The following AP1G2 variants were observed in gnomAD, a reference collection of about 807,000 sequenced individuals.
AP1G2 encodes the protein adaptor related protein complex 1 subunit gamma 2, also known as AP-1 complex subunit gamma-like 2.
In AP1G2, 85 loss-of-function variants were observed where a neutral mutation model predicts 95.8. That is an observed-to-expected ratio of 0.89 (90% confidence interval 0.74 to 1.06). The LOEUF (loss-of-function observed/expected upper bound fraction) is 1.06, where lower values mean the gene tolerates loss of function less well. Ranked by LOEUF, AP1G2 falls within the 50% of genes least tolerant of loss-of-function variation. The probability of loss-of-function intolerance (pLI) is 0.00; values close to 1 mark genes in which losing one functional copy is unlikely to be tolerated. For synonymous variants in AP1G2, 378 were observed against 400.0 expected (o/e 0.94, Z 0.66); for missense variants, 967 against 1,005.8 (o/e 0.96, Z 0.52).
rs1566648614 is a variant in AP1G2, at chr14:23,564,584, A to T, written c.899T>A (p.Ile300Asn). Reference sequence around the variant, plus strand: ...TACCCGTAGGCCAGCTGCAGAGCGGATATCCATGATGGTGAGTACTGTCTC... The same window carrying T: ...TACCCGTAGGCCAGCTGCAGAGCGGTTATCCATGATGGTGAGTACTGTCTC... Reference protein sequence around the residue: ...LFETVLTIMDIRSAAGLRVLA... With the variant: ...LFETVLTIMDNRSAAGLRVLA... The change falls in exon 9 of 22, where the codon ATC becomes AAC. Residue 300 changes from isoleucine (I) to asparagine (N), a missense_variant. Coordinates refer to ENST00000397120, the MANE Select transcript of AP1G2 (RefSeq NM_003917.5). 6.2e-7 allele frequency: 1 copy of T among 1,613,468 alleles called. No homozygotes were observed. Among genetic ancestry groups the T allele is most frequent in the South Asian group, 1.1e-5 (1 of 91,042 alleles).
chr14:23,562,729 C>T, intron 14 of AP1G2, 136 bp from the exon 15 acceptor site: 4 of 747,998 alleles, frequency 5.3e-6, no homozygotes, highest in South Asian at 1.9e-5. Context: ...AAAGCGAGAC[C>T]CCCCCCATCT....
At position 23,563,377 on chromosome 14, in the gene AP1G2, T is replaced by A; in HGVS notation, c.1410+3A>T. ...CCTGGGCCTAGGTAGGTGGGAATGG[T>A]ACCTGGGAAATGTCTTCTGCCAGGG... On this transcript the variant is annotated splice_donor_region_variant and intron_variant, in intron 14 of 21. Coordinates refer to ENST00000397120, the MANE Select transcript of AP1G2 (RefSeq NM_003917.5). The A allele has an allele frequency of 3.2e-6, 5 of 1,584,978 alleles. No individual in the cohort carries two copies. Among genetic ancestry groups the A allele is most frequent in the Non-Finnish European group, 4.3e-6 (5 of 1,166,322 alleles).
Position 23,566,149 on chromosome 14 carries a change from A to G in AP1G2, c.483T>C (p.Thr161=), listed in dbSNP as rs1887821614. Residue 161 remains threonine, a synonymous_variant, in exon 5 of 22, where the codon ACT becomes ACC. Coordinates refer to ENST00000397120, the MANE Select transcript of AP1G2 (RefSeq NM_003917.5). ...SPYVRKKAIL[T]AVHMIRKVPE... ...GGACCTTCCGGATCATGTGCACTGC[A>G]GTCAGAATAGCCTGCAGAGGTCAGG... 2 of 1,603,634 alleles carry G rather than the reference A, an allele frequency of 1.2e-6. No homozygotes were observed. Among genetic ancestry groups the G allele is most frequent in the African/African-American group, 2.7e-5 (2 of 74,694 alleles).
intron 4 of AP1G2, 32 bp from the exon 5 acceptor site, chr14:23,566,192 AGAG>A (rs1566661683): frequency 2.5e-6 from 4 of 1,594,468 alleles, no homozygotes; most frequent in Non-Finnish European, 2.6e-6. Flanking sequence ...GACAGGGGTC[AGAG>A]GAGATGGACC....
Position 23,566,058 on chromosome 14 carries a change from C to G in AP1G2, c.568+6G>C. 2.5e-6 allele frequency: 4 copies of G among 1,614,172 alleles called. No homozygotes were observed. The highest frequency in any genetic ancestry group is 3.4e-6 in the Non-Finnish European group (4 of 1,180,028). The stretch of plus-strand genomic sequence containing the variant: ...AAGCAAAGGATGGGGGGCCCCACAG[C>G]CTTACCATGGTGACGCTCATGAAGC... On this transcript the variant is annotated splice_donor_region_variant and intron_variant, in intron 5 of 21. Transcript: ENST00000397120.
Position 23,566,162 on chromosome 14 carries a change from T to G in AP1G2, c.472-2A>C, listed in dbSNP as rs923809499. 6.3e-7 allele frequency: 1 copy of G among 1,599,000 alleles called. No individual in the cohort carries two copies. The highest frequency in any genetic ancestry group is 8.5e-7 in the Non-Finnish European group (1 of 1,171,282). On this transcript the variant is annotated splice_acceptor_variant, in intron 4 of 21. Coordinates refer to ENST00000397120, the MANE Select transcript of AP1G2 (RefSeq NM_003917.5). LOFTEE classifies it high-confidence loss of function. ...CATGTGCACTGCAGTCAGAATAGCC[T>G]GCAGAGGTCAGGGGCCTCAGACAGG...
intron 4 of AP1G2, 31 bp downstream of exon 4, chr14:23,566,247 G>C (rs1887902358): frequency 1.9e-6 from 3 of 1,612,168 alleles, no homozygotes; most frequent in Non-Finnish European, 2.5e-6. Context: ...GCAGTGTGCA[G>C]GAGCACGTGC....
chr14:23,565,084 G>A, intron 8 of AP1G2, 35 bp downstream of exon 8: 2 of 1,609,068 alleles, frequency 1.2e-6, no homozygotes, highest in South Asian at 1.1e-5. Context: ...GGGTCTCCAA[G>A]CAACACAGCT....
chr14:23,567,241 C>G lies in AP1G2; in HGVS notation c.74G>C (p.Arg25Pro). 6.2e-7 allele frequency: 1 copy of G among 1,613,076 alleles called. No homozygotes were observed. The highest frequency in any genetic ancestry group is 8.5e-7 in the Non-Finnish European group (1 of 1,179,478). ...IRGAKTQAQE[R>P]EVIQKECAHI... ...GGCACACTCCTTTTGGATCACCTCC[C>G]GCTCCTGGGCCTGAGTCTTGGCCCC... The change falls in exon 2 of 22, where the codon CGG (arginine) becomes CCG (proline). Residue 25 changes from arginine to proline, a missense_variant. Arg to Pro is a moderately radical substitution (Grantham distance 103, BLOSUM62 -2). Transcript: ENST00000397120. This position sits in a 1 kb window ranked among gnomAD's most constrained non-coding sequence, Gnocchi z 5.3.
At chr14:23,560,096 CTA>C (rs1224702485) in intron 20 of AP1G2, 60 bp from the exon 21 acceptor site, 2 of 1,416,282 alleles carry the variant, frequency 1.4e-6, no homozygotes, top group African/African-American at 1.4e-5. Flanking sequence ...GGCAGCCCCT[CTA>C]TACTCAGTGG....
chr14:23,563,689 A>C, intron 12 of AP1G2, 27 bp downstream of exon 12: 4 of 1,613,920 alleles, frequency 2.5e-6, no homozygotes, highest in Non-Finnish European at 3.4e-6. Flanking sequence ...CCCAGATTCT[A>C]CCCTCTTCGA....
intron 9 of AP1G2, 64 bp from the exon 10 acceptor site, chr14:23,564,452 G>C (rs986003462): frequency 1.9e-6 from 3 of 1,605,186 alleles, no homozygotes; most frequent in African/African-American, 2.7e-5. Flanking sequence ...TGAGGACTGG[G>C]AACACATTGG....
At chr14:23,563,890 C>T in intron 11 of AP1G2, 34 bp from the exon 12 acceptor site, 2 of 1,608,538 alleles carry the variant, frequency 1.2e-6, no homozygotes, top group Non-Finnish European at 8.5e-7. Flanking sequence ...TGCAGGTAGC[C>T]CAGGTCATCC....
At position 23,561,506 on chromosome 14, in the gene AP1G2, T is replaced by C. The variant is rs1262828924; in HGVS notation, c.1857+6A>G. On this transcript the variant is annotated splice_donor_region_variant and intron_variant, in intron 18 of 21. Coordinates refer to ENST00000397120, the MANE Select transcript of AP1G2 (RefSeq NM_003917.5). Reference sequence around the variant, plus strand: ...CTTCCTACCCCAGAGTTTCTAGCCTTCTCACCTGGGGCTCTGTGGGCACTG... The same window carrying C: ...CTTCCTACCCCAGAGTTTCTAGCCTCCTCACCTGGGGCTCTGTGGGCACTG... 5.0e-6 allele frequency: 8 copies of C among 1,614,032 alleles called. No homozygotes were observed. In the African/African-American group the frequency reaches 6.7e-5, roughly 13 times the overall value.
chr14:23,561,995 T>TA lies in AP1G2; in HGVS notation c.1699dup (p.Tyr567LeufsTer2). On this transcript the variant is annotated frameshift_variant, in exon 17 of 22. Coordinates refer to ENST00000397120, the MANE Select transcript of AP1G2 (RefSeq NM_003917.5). LOFTEE classifies it high-confidence loss of function. ...GTCGTATTTCCGGAAGAGTGTGTCA[T>TA]ACTCCACAGCCCGCTGCTGCAGCTC... 6.2e-7 allele frequency: 1 copy of TA among 1,613,248 alleles called. No individual in the cohort carries two copies. The highest frequency in any genetic ancestry group is 8.5e-7 in the Non-Finnish European group (1 of 1,179,700).
chr14:23,566,256 G>A, intron 4 of AP1G2, 22 bp downstream of exon 4: 1 of 1,612,974 alleles, frequency 6.2e-7, no homozygotes, highest in Non-Finnish European at 8.5e-7. Flanking sequence ...AGGAGCACGT[G>A]CCAGGAGTCC....
Position 23,566,628 on chromosome 14 carries a change from A to C in AP1G2, c.263T>G (p.Leu88Arg), listed in dbSNP as rs748549304. 1.2e-6 allele frequency: 2 copies of C among 1,614,200 alleles called. No individual in the cohort carries two copies. Among genetic ancestry groups the C allele is most frequent in the Admixed American group, 3.3e-5 (2 of 60,032 alleles). ...CTCATCCAATAGAAGCATGGCCCCC[A>C]GGTAGCCCACCCTCTTGTCTGTGAA... Reference protein sequence around the residue: ...SRFTDKRVGYLGAMLLLDERH... With the variant: ...SRFTDKRVGYRGAMLLLDERH... The change falls in exon 3 of 22, where the codon CTG becomes CGG. Residue 88 changes from leucine to arginine, a missense_variant. Physicochemically the swap from Leu to Arg is moderately radical, Grantham distance 102. Coordinates refer to ENST00000397120, the MANE Select transcript of AP1G2 (RefSeq NM_003917.5).
chr14:23,567,464 G>T lies in AP1G2; in HGVS notation c.-5-145C>A. The T allele has an allele frequency of 1.4e-6, 2 of 1,401,108 alleles. No homozygotes were observed. Among genetic ancestry groups the T allele is most frequent in the Non-Finnish European group, 1.8e-6 (2 of 1,085,214 alleles). 86.8% of individuals were successfully genotyped at this position (1,401,108 alleles called of 1,614,324 possible). ...CCCGCATTTTACCTTTCCCGAAGTG[G>T]GTCTCCAAATTCCGCGCCCACCCCA... On this transcript the variant is annotated intron_variant, in intron 1 of 21. Coordinates refer to ENST00000397120, the MANE Select transcript of AP1G2 (RefSeq NM_003917.5). This position sits in a 1 kb window ranked among gnomAD's most constrained non-coding sequence, Gnocchi z 5.3.
Position 23,567,029 on chromosome 14 carries a change from G to T in AP1G2, c.204+82C>A. On this transcript the variant is annotated intron_variant, in intron 2 of 21. Coordinates refer to ENST00000397120, the MANE Select transcript of AP1G2 (RefSeq NM_003917.5). The surrounding 1 kb of genome is among the most constrained non-coding windows in gnomAD (Gnocchi z 5.3). ...TGAAATTGTAGAATTTAAAAAACCA[G>T]GGCATAAACAGGTGAGAGAGTCTGG... 7.1e-7 allele frequency: 1 copy of T among 1,416,566 alleles called. No individual in the cohort carries two copies. The allele number at this position is 1,416,566 out of a possible 1,614,324, so 87.7% of individuals were successfully genotyped here. A position where few individuals can be genotyped will look rare whatever the true frequency, so the allele number is the denominator to read the frequency against.
Sources: gnomAD v4.1 joint callset for allele counts on GRCh38, gnomAD v4.1.1 for gene constraint, Gnocchi (gnomAD v3.1) non-coding constraint, MANE v1.5 for transcripts, NCBI Gene and HGNC (gene_info 2026-07-23, HGNC 2026-07-21) for gene names.